Variants in TENM1 observed in about 807,000 individuals in gnomAD.
TENM1 encodes teneurin-1.
In TENM1, 35 loss-of-function variants were observed where a neutral mutation model predicts 174.8. That is an observed-to-expected ratio of 0.20 (90% confidence interval 0.15 to 0.27). The LOEUF (loss-of-function observed/expected upper bound fraction) is 0.27. TENM1 is among the 10% of genes least tolerant of loss of function. The pLI is 1.00. For missense variants in TENM1, 1,633 were observed against 2,130.1 expected (o/e 0.77, Z 4.59); for synonymous variants, 781 against 798.7 (o/e 0.98, Z 0.37).
the TENM1 span, among the ~76,000 whole-genome samples, chrX:125,100,814 C>T: frequency 9.0e-6 from 1 of 111,455 alleles, no homozygotes; most frequent in East Asian, 2.8e-4. Context: ...TTATACACCA[C>T]TTTTTTAACC....
chrX:124,498,360 C>T (rs1205999848), intron 19 of TENM1, among the ~76,000 whole-genome samples: 2 of 110,969 alleles, frequency 1.8e-5, no homozygotes, highest in Non-Finnish European at 3.8e-5. Flanking sequence ...CCCACTCCTG[C>T]CATAGAGATT....
chrX:125,033,849 C>T, the TENM1 span, among the ~76,000 whole-genome samples: 6 of 111,415 alleles, frequency 5.4e-5, no homozygotes, highest in African/African-American at 2.0e-4. Context: ...TTCATCTGTA[C>T]CTCTTTTTGG....
chrX:124,569,257 A>G lies in TENM1; in HGVS notation c.2078-3697T>C, dbSNP rs1602681398. 2.7e-5 allele frequency among the ~76,000 whole-genome samples: 3 copies of G among 111,574 alleles called. No homozygotes were observed. In the East Asian group the frequency reaches 8.4e-4, roughly 31 times the overall value. On this transcript the variant is annotated intron_variant, in intron 11 of 31. Coordinates refer to ENST00000422452, the Ensembl canonical transcript of TENM1. ...AAGAAAGCAGTAAGCCAAATAAATGAAGCAAAATTGAAAGAAGAAGAAAGG... is the reference window on the plus strand; with the variant it reads ...AAGAAAGCAGTAAGCCAAATAAATGGAGCAAAATTGAAAGAAGAAGAAAGG...
the TENM1 span, among the ~76,000 whole-genome samples, chrX:125,089,600 T>C: frequency 8.9e-5 from 10 of 112,115 alleles, no homozygotes; most frequent in African/African-American, 3.2e-4. Flanking sequence ...AATTTAAACA[T>C]GTCATGTCTC....
At chrX:124,569,662 T>C (rs767954441) in intron 11 of TENM1, among the ~76,000 whole-genome samples, 2 of 111,070 alleles carry the variant, frequency 1.8e-5, no homozygotes, top group Non-Finnish European at 3.8e-5. Flanking sequence ...AAATAAAACA[T>C]TAAACGAATA....
the TENM1 span, among the ~76,000 whole-genome samples, chrX:125,073,264 G>A: frequency 9.0e-6 from 1 of 111,234 alleles, no homozygotes; most frequent in African/African-American, 3.3e-5. Flanking sequence ...TGTAGTGTCT[G>A]TGGTCTTTGG....
chrX:124,569,029 CT>C (rs1455449485), intron 11 of TENM1, among the ~76,000 whole-genome samples: 2 of 111,424 alleles, frequency 1.8e-5, no homozygotes, highest in African/African-American at 6.5e-5. Flanking sequence ...CATAGTGAGA[CT>C]CCATCTCTAC....
At chrX:124,744,879 G>T (rs1202016255) in intron 3 of TENM1, among the ~76,000 whole-genome samples, 1 of 111,840 alleles carries the variant, frequency 8.9e-6, no homozygotes, top group Non-Finnish European at 1.9e-5. Flanking sequence ...AAAAGGCAAA[G>T]AATGCAAATC....
chrX:124,538,648 A>G (rs1818663204), intron 15 of TENM1, among the ~76,000 whole-genome samples: 2 of 111,620 alleles, frequency 1.8e-5, no homozygotes, highest in South Asian at 7.5e-4. Flanking sequence ...GTAGACTTAG[A>G]GGTCTTTAAC....
At chrX:124,731,759 G>C (rs764499523) in intron 4 of TENM1, among the ~76,000 whole-genome samples, 1 of 111,778 alleles carries the variant, frequency 8.9e-6, no homozygotes, top group Non-Finnish European at 1.9e-5. Context: ...TTCTTGACAT[G>C]GTTATTAGAT....
chrX:124,541,231 A>C (rs758579707), intron 15 of TENM1, among the ~76,000 whole-genome samples: 2 of 111,584 alleles, frequency 1.8e-5, no homozygotes, highest in African/African-American at 6.5e-5. Flanking sequence ...GAAGAGCATG[A>C]TATAGTTTGT....
chrX:124,480,166 C>T (rs1046297571), intron 22 of TENM1, among the ~76,000 whole-genome samples: 7 of 111,595 alleles, frequency 6.3e-5, no homozygotes, highest in African/African-American at 2.3e-4. Flanking sequence ...GATGTGATTT[C>T]CCATCTCAAG....
chrX:124,727,756 G>A (rs2053474939), intron 4 of TENM1, among the ~76,000 whole-genome samples: 1 of 111,363 alleles, frequency 9.0e-6, no homozygotes, highest in African/African-American at 3.3e-5. Flanking sequence ...GATGGACATG[G>A]GAAGAAGAGA....
intron 14 of TENM1, among the ~76,000 whole-genome samples, chrX:124,552,450 A>C (rs147756563): frequency 0.026 from 2,506 of 97,639 alleles, 26 homozygotes; most frequent in African/African-American, 0.042. Context: ...TTACTGTATT[A>C]GAAAAAAGAA....
At chrX:124,734,271 G>A (rs2148545374) in intron 4 of TENM1, among the ~76,000 whole-genome samples, 1 of 111,004 alleles carries the variant, frequency 9.0e-6, no homozygotes, top group East Asian at 2.8e-4. Flanking sequence ...CCAATATGGT[G>A]AAACCCTGTC....
Position 124,896,244 on chromosome X carries a change from G to C in TENM1, c.218-3C>G. 8.3e-7 allele frequency: 1 copy of C among 1,198,557 alleles called. No individual in the cohort carries two copies. Among genetic ancestry groups the C allele is most frequent in the Non-Finnish European group, 1.1e-6 (1 of 887,005 alleles). On this transcript the variant is annotated splice_region_variant and splice_polypyrimidine_tract_variant and intron_variant, in intron 1 of 31. Transcript: ENST00000422452. ...AGAGGTTTCACAGAATTCCATCTCT[G>C]AGAAGAAACAAAGTTCAGAGAAAAC...
chrX:124,505,539 C>G (rs751563821), intron 18 of TENM1, among the ~76,000 whole-genome samples: 1 of 111,024 alleles, frequency 9.0e-6, no homozygotes, highest in African/African-American at 3.3e-5. Context: ...GGTTTTGGAC[C>G]AAGAGTTAGA....
At chrX:124,762,466 A>G (rs1230772720) in intron 3 of TENM1, among the ~76,000 whole-genome samples, 1 of 112,292 alleles carries the variant, frequency 8.9e-6, no homozygotes, top group East Asian at 2.8e-4. Context: ...TATACTTTGC[A>G]TCTTACACTA....
intron 3 of TENM1, among the ~76,000 whole-genome samples, chrX:124,786,409 TCTCCCTTTCATATAGACTA>T (rs1415596277): frequency 9.0e-6 from 1 of 111,272 alleles, no homozygotes; most frequent in Non-Finnish European, 1.9e-5. Context: ...AAACAAAGAG[TCTCCCTTTCATATAGACTA>T]CTCCCTCTAA....
Sources: allele counts gnomAD v4.1 joint callset (sites outside exome capture counted in the v4.1 genomes callset), GRCh38; gene constraint gnomAD v4.1.1; transcripts MANE v1.5; gene names NCBI Gene and HGNC (gene_info 2026-07-23, HGNC 2026-07-21).